GRIN2D: variants seen among roughly 807,000 people sequenced by gnomAD.
GRIN2D encodes the protein glutamate receptor ionotropic, NMDA 2D.
A neutral mutation model predicts 103.2 loss-of-function variants in GRIN2D; 37 were observed. The observed-to-expected ratio is 0.36, with a 90% CI of 0.28 to 0.47. The LOEUF (loss-of-function observed/expected upper bound fraction) is 0.47, where lower values mean the gene tolerates loss of function less well. Among genes scored for constraint, GRIN2D ranks in the 20% least tolerant of loss-of-function variants. The probability of loss-of-function intolerance (pLI) is 1.00; values close to 1 mark genes in which losing one functional copy is unlikely to be tolerated. For missense variants in GRIN2D, 1,557 were observed against 1,910.6 expected (o/e 0.81, Z 3.45); for synonymous variants, 845 against 885.6 (o/e 0.95, Z 0.81).
chr19:48,443,022 GCCC>G lies in GRIN2D; in HGVS notation c.3100_3102del (p.Pro1034del). 9.5e-7 allele frequency: 1 copy of G among 1,047,186 alleles called. No homozygotes were observed. The highest frequency in any genetic ancestry group is 7.7e-5 in the East Asian group (1 of 13,052). The allele number at this position is 1,047,186 out of a possible 1,614,324, so 64.9% of individuals were successfully genotyped here. On this transcript the variant is annotated inframe_deletion, in exon 14 of 14. Coordinates refer to ENST00000263269, the MANE Select transcript of GRIN2D (RefSeq NM_000836.4). The surrounding 1 kb of genome is among the most constrained non-coding windows in gnomAD (Gnocchi z 8.9). ...TCCCCGGCTTCCCGTCGCCGCCCGC[GCCC>G]CCCGCCGCCGCGGCCACCGCCGTCG...
At position 48,396,989 on chromosome 19, in the gene GRIN2D, G is replaced by A. The variant is rs1038270451; in HGVS notation, c.-26-1378G>A. Reference sequence around the variant, plus strand: ...GCAGGACCCAGGAGCCTGGCTCCCAGCCCAACCACCCCAGGCGGCTAGTAT... The same window carrying A: ...GCAGGACCCAGGAGCCTGGCTCCCAACCCAACCACCCCAGGCGGCTAGTAT... On this transcript the variant is annotated intron_variant, in intron 2 of 13. Transcript: ENST00000263269. Among the ~76,000 whole-genome samples, 7 of 152,210 alleles carry A rather than the reference G, an allele frequency of 4.6e-5. No individual in the cohort carries two copies. In the East Asian group the frequency reaches 1.4e-3, roughly 29 times the overall value.
chr19:48,433,880 A>C (rs1971191834), intron 11 of GRIN2D, among the ~76,000 whole-genome samples: 1 of 151,558 alleles, frequency 6.6e-6, no homozygotes, highest in Non-Finnish European at 1.5e-5. Flanking sequence ...CCTACTTCTC[A>C]GCTCCAGTGT....
chr19:48,397,738 T>C (rs916714045), intron 2 of GRIN2D, among the ~76,000 whole-genome samples: 1 of 149,822 alleles, frequency 6.7e-6, no homozygotes, highest in African/African-American at 2.5e-5. Flanking sequence ...TCCGTCTCTC[T>C]CCTTCTTCCT....
Position 48,442,920 on chromosome 19 carries a change from GC to G in GRIN2D, c.2999del (p.Pro1000ArgfsTer518). On this transcript the variant is annotated frameshift_variant, in exon 14 of 14. Transcript: ENST00000263269. LOFTEE classifies it high-confidence loss of function. This position sits in a 1 kb window ranked among gnomAD's most constrained non-coding sequence, Gnocchi z 7.2. ...GRPLSPPAAQ[P>X]PQKPPPSYFA... ...GCCCGCTGTCCCCGCCGGCCGCTCAGCCCCCGCAGAAGCCGCCGCCCTCCTA... is the reference window on the plus strand; with the variant it reads ...GCCCGCTGTCCCCGCCGGCCGCTCAGCCCCGCAGAAGCCGCCGCCCTCCTA... The G allele has an allele frequency of 4.5e-6, 5 of 1,121,188 alleles. No individual in the cohort carries two copies. The highest frequency in any genetic ancestry group is 4.0e-4 in the Middle Eastern group (1 of 2,518). The allele number at this position is 1,121,188 out of a possible 1,614,324, so 69.5% of individuals were successfully genotyped here. A position where few individuals can be genotyped will look rare whatever the true frequency, so the allele number is the denominator to read the frequency against.
chr19:48,399,816 A>G (rs1484246706), intron 3 of GRIN2D, among the ~76,000 whole-genome samples: 1 of 136,604 alleles, frequency 7.3e-6, no homozygotes, highest in Non-Finnish European at 1.5e-5. Context: ...CAAGGAATTG[A>G]GATTTGGTGC....
intron 11 of GRIN2D, among the ~76,000 whole-genome samples, chr19:48,425,253 T>G (rs1174940728): frequency 6.6e-6 from 1 of 152,098 alleles, no homozygotes. Flanking sequence ...TCCCATTTTC[T>G]TTTTTTGAGA....
Position 48,443,647 on chromosome 19 carries a change from C to T in GRIN2D, c.3721C>T (p.Arg1241Cys). ...SHPHRPRASH[R>C]TPAAAAPHHH... ...CCCGCACCGCCCGCGGGCCTCGCAC[C>T]GCACGCCCGCCGCCGCCGCGCCCCA... The change falls in exon 14 of 14, where the codon CGC becomes TGC. Residue 1241 changes from arginine to cysteine, a missense_variant. Physicochemically the swap from Arg to Cys is radical, Grantham distance 180 (BLOSUM62 -3). Transcript: ENST00000263269. The surrounding 1 kb of genome is among the most constrained non-coding windows in gnomAD (Gnocchi z 8.9). 9.0e-7 allele frequency: 1 copy of T among 1,113,236 alleles called. No individual in the cohort carries two copies. The highest frequency in any genetic ancestry group is 4.8e-5 in the Admixed American group (1 of 21,024). The allele number at this position is 1,113,236 out of a possible 1,614,324, so 69.0% of individuals were successfully genotyped here.
chr19:48,425,298 G>A (rs1378529753), intron 11 of GRIN2D, among the ~76,000 whole-genome samples: 2 of 152,148 alleles, frequency 1.3e-5, no homozygotes, highest in Admixed American at 6.6e-5. Flanking sequence ...CTGGAGTGCA[G>A]TGCTGCAATC....
chr19:48,443,587 C>G lies in GRIN2D; in HGVS notation c.3661C>G (p.Arg1221Gly). ...PPPWAAGPLP[R>G]RRARCGCPRS... ...ACCCTGGGCCGCCGGGCCCCTGCCC[C>G]GACGCCGGGCCCGCTGCGGGTGCCC... The change falls in exon 14 of 14, where the codon CGA becomes GGA. Residue 1221 changes from arginine (R) to glycine (G), a missense_variant. Physicochemically the swap from Arg to Gly is moderately radical, Grantham distance 125. Coordinates refer to ENST00000263269, the MANE Select transcript of GRIN2D (RefSeq NM_000836.4). The surrounding 1 kb of genome is among the most constrained non-coding windows in gnomAD (Gnocchi z 8.9). 4.2e-6 allele frequency: 5 copies of G among 1,178,414 alleles called. No individual in the cohort carries two copies. The highest frequency in any genetic ancestry group is 5.2e-6 in the Non-Finnish European group (5 of 955,202). The allele number at this position is 1,178,414 out of a possible 1,614,324, so 73.0% of individuals were successfully genotyped here.
chr19:48,397,879 C>T (rs1439426012), intron 2 of GRIN2D, among the ~76,000 whole-genome samples: 7 of 151,650 alleles, frequency 4.6e-5, no homozygotes, highest in African/African-American at 1.7e-4. Context: ...CTTCCCCTGA[C>T]CCCATTATCC....
intron 11 of GRIN2D, among the ~76,000 whole-genome samples, chr19:48,426,367 A>C (rs1349613765): frequency 6.7e-6 from 1 of 149,696 alleles, no homozygotes; most frequent in Admixed American, 6.6e-5. Context: ...CTGGAATTAC[A>C]GGCGCCTGCC....
At chr19:48,434,050 A>G (rs1472282207) in intron 11 of GRIN2D, among the ~76,000 whole-genome samples, 4 of 145,536 alleles carry the variant, frequency 2.7e-5, no homozygotes, top group African/African-American at 1.0e-4. Flanking sequence ...CCGGGTTCAT[A>G]CCATTCTCCT....
chr19:48,433,688 G>C (rs1971188613), intron 11 of GRIN2D, among the ~76,000 whole-genome samples: 1 of 151,790 alleles, frequency 6.6e-6, no homozygotes, highest in Non-Finnish European at 1.5e-5. Flanking sequence ...ACTCAAGAGG[G>C]GCAAAAAAGG....
intron 11 of GRIN2D, among the ~76,000 whole-genome samples, chr19:48,435,541 T>G (rs1971219226): frequency 6.6e-6 from 1 of 151,832 alleles, no homozygotes; most frequent in African/African-American, 2.4e-5. Context: ...CCGCTCGAGG[T>G]TCAAGCAATT....
rs1468995831 is a variant in GRIN2D, at chr19:48,393,890, T to C, written c.-306+22T>C. Among the ~76,000 whole-genome samples, 2 of 151,138 alleles carry C rather than the reference T, an allele frequency of 1.3e-5. No homozygotes were observed. The highest frequency in any genetic ancestry group is 3.0e-5 in the Non-Finnish European group (2 of 67,748). ...CCCGGTGAGGATCTGTGTGTCCGGG[T>C]GTCTGGGGCTGGCTGGTGGAGGGGG... On this transcript the variant is annotated intron_variant, in intron 1 of 13. Coordinates refer to ENST00000263269, the MANE Select transcript of GRIN2D (RefSeq NM_000836.4). This position sits in a 1 kb window ranked among gnomAD's most constrained non-coding sequence, Gnocchi z 5.6.
In GRIN2D at chr19:48,414,166, A is replaced by AG. The variant is rs903579247; in HGVS notation, c.1200+68dup. ...GGTGTGGACTCCTGCATCCTGGCAG[A>AG]GGGGGGGCTTGAGGTCGTGGACTAA... On this transcript the variant is annotated intron_variant, in intron 5 of 13. Coordinates refer to ENST00000263269, the MANE Select transcript of GRIN2D (RefSeq NM_000836.4). The surrounding 1 kb of genome is among the most constrained non-coding windows in gnomAD (Gnocchi z 4.6). 3.9e-5 allele frequency: 43 copies of AG among 1,089,132 alleles called. No homozygotes were observed. Among genetic ancestry groups the AG allele is most frequent in the Non-Finnish European group, 5.8e-5 (41 of 711,560 alleles). 67.5% of individuals were successfully genotyped at this position (1,089,132 alleles called of 1,614,324 possible).
At chr19:48,420,114 C>T (rs1776223277) in intron 10 of GRIN2D, among the ~76,000 whole-genome samples, 1 of 152,104 alleles carries the variant, frequency 6.6e-6, no homozygotes, top group Admixed American at 6.6e-5. Flanking sequence ...TTCTCTCAAA[C>T]TGTGAGGAAG....
rs1375341019 is a variant in GRIN2D, at chr19:48,421,157, G to A, written c.2092-628G>A. On this transcript the variant is annotated intron_variant, in intron 10 of 13. Transcript: ENST00000263269. This position sits in a 1 kb window ranked among gnomAD's most constrained non-coding sequence, Gnocchi z 4.8. ...AAACTTGTTTTAGTTGTCTGGGCGC[G>A]GTGGCTTATGCCTGTAATCCCAGCA... Among the ~76,000 whole-genome samples the A allele has an allele frequency of 3.3e-5, 5 of 152,174 alleles. No homozygotes were observed. The highest frequency in any genetic ancestry group is 2.1e-4 in the South Asian group (1 of 4,832).
chr19:48,429,597 G>T (rs527928123), intron 11 of GRIN2D, among the ~76,000 whole-genome samples: 3 of 151,886 alleles, frequency 2.0e-5, no homozygotes, highest in Admixed American at 2.0e-4. Context: ...ACAGGGTTTC[G>T]CCACGTTGGC....
Sources: allele counts gnomAD v4.1 joint callset (sites outside exome capture counted in the v4.1 genomes callset), GRCh38; gene constraint gnomAD v4.1.1; non-coding constraint Gnocchi (gnomAD v3.1); transcripts MANE v1.5; gene names NCBI Gene and HGNC (gene_info 2026-07-23, HGNC 2026-07-21).